HOATZ: variants seen among roughly 807,000 people sequenced by gnomAD.
HOATZ encodes the protein cilia- and flagella-associated protein HOATZ.
HOATZ carries 26 observed loss-of-function variants against 24.9 expected under a neutral mutation model. That is an observed-to-expected ratio of 1.04 (90% CI 0.76 to 1.45). The LOEUF (loss-of-function observed/expected upper bound fraction) is 1.45, where lower values mean the gene tolerates loss of function less well. Among genes scored for constraint, HOATZ ranks in the 40% most tolerant of loss-of-function variants. The probability of loss-of-function intolerance (pLI) is 0.00; values close to 1 mark genes in which losing one functional copy is unlikely to be tolerated. For missense variants in HOATZ, 226 were observed against 201.5 expected (o/e 1.12, Z -0.74); for synonymous variants, 83 against 76.6 (o/e 1.08, Z -0.43).
At chr11:111,534,369 A>G (rs1468313628) in intron 4 of HOATZ, 43 bp from the exon 5 acceptor site, 1 of 1,418,314 alleles carries the variant, frequency 7.1e-7, no homozygotes, top group Non-Finnish European at 1.0e-6. Flanking sequence ...CAGTGCAAGA[A>G]GTAAAATTTT....
At chr11:111,530,571 A>T (rs1255499529) in intron 3 of HOATZ, among the ~76,000 whole-genome samples, 1 of 152,180 alleles carries the variant, frequency 6.6e-6, no homozygotes, top group Non-Finnish European at 1.5e-5. Flanking sequence ...AATCATAAAT[A>T]AAAATATAAA....
rs140853148 is a variant in HOATZ, at chr11:111,527,525, G to C, written c.340-6221G>C. Among the ~76,000 whole-genome samples, 6 of 152,206 alleles carry C rather than the reference G, an allele frequency of 3.9e-5. No homozygotes were observed. The East Asian group carries it at 9.6e-4, about 24-fold the overall frequency. The stretch of plus-strand genomic sequence containing the variant: ...TGATTAATAATCCTGTAACATCTTC[G>C]ATCCACTCCCATAGATTACTATAGT... On this transcript the variant is annotated intron_variant, in intron 3 of 5. Transcript: ENST00000375618.
chr11:111,524,934 T>C (rs1304662019), intron 3 of HOATZ: 11 of 438,258 alleles, frequency 2.5e-5, no homozygotes, highest in Middle Eastern at 3.4e-4. Flanking sequence ...TGATCATGGC[T>C]CACTGCAGCC....
At position 111,514,796 on chromosome 11, in the gene HOATZ, A is replaced by G. The variant is rs1867154034; in HGVS notation, c.12A>G (p.Gly4=). Residue 4 remains glycine, a synonymous_variant, in exon 1 of 6, where the codon GGA becomes GGG. Transcript: ENST00000375618. ...CGTCCTCAGTTGCCATGGAAACGGG[A>G]CCCAGCGAAGAACCTAGCGGCCGAA... MET[G]PSEEPSGRKE... is the part of the protein sequence containing the mutation. 6 of 1,613,580 alleles carry G rather than the reference A, an allele frequency of 3.7e-6. No homozygotes were observed. Among genetic ancestry groups the G allele is most frequent in the Non-Finnish European group, 4.2e-6 (5 of 1,179,816 alleles).
chr11:111,535,970 T>C (rs1200394947), intron 5 of HOATZ: 1 of 152,230 alleles, frequency 6.6e-6, no homozygotes, highest in Non-Finnish European at 1.5e-5. Flanking sequence ...TTACTCTTTG[T>C]ACATTCTTTG....
At chr11:111,534,554 T>A in intron 5 of HOATZ, 90 bp downstream of exon 5, 1 of 1,039,396 alleles carries the variant, frequency 9.6e-7, no homozygotes, top group Non-Finnish European at 1.5e-6. Context: ...CACTTACCCT[T>A]AAATCTTCTA....
chr11:111,524,949 C>T, intron 3 of HOATZ: 2 of 432,702 alleles, frequency 4.6e-6, no homozygotes, highest in South Asian at 1.7e-5. Flanking sequence ...GCAGCCTCAA[C>T]TTTCTCGGAT....
chr11:111,516,843 T>C (rs544906501), intron 3 of HOATZ, among the ~76,000 whole-genome samples: 9 of 152,336 alleles, frequency 5.9e-5, no homozygotes, highest in African/African-American at 1.9e-4. Context: ...ATTAAACACA[T>C]TGGTGTAGTC....
chr11:111,533,976 T>A (rs952443180), intron 4 of HOATZ, among the ~76,000 whole-genome samples, 171 bp downstream of exon 4: 7 of 152,206 alleles, frequency 4.6e-5, no homozygotes, highest in African/African-American at 1.7e-4. Context: ...CAACCCTTGA[T>A]CAATCAAAGC....
chr11:111,536,305 C>T (rs1002972831), intron 5 of HOATZ: 2 of 154,590 alleles, frequency 1.3e-5, no homozygotes, highest in African/African-American at 4.8e-5. Flanking sequence ...CCCCTACATA[C>T]ACAGACTCCC....
chr11:111,527,948 G>A (rs1867356816), intron 3 of HOATZ, among the ~76,000 whole-genome samples: 1 of 152,206 alleles, frequency 6.6e-6, no homozygotes, highest in Admixed American at 6.5e-5. Flanking sequence ...CCACTGAGGA[G>A]TGAGATTCTT....
chr11:111,533,885 G>A, intron 4 of HOATZ, 80 bp downstream of exon 4: 1 of 1,004,024 alleles, frequency 1.0e-6, no homozygotes, highest in South Asian at 1.8e-5. Flanking sequence ...TTTATAGATT[G>A]AACCCTTAAA....
At chr11:111,533,711 A>T (rs1485491063) in intron 3 of HOATZ, 35 bp from the exon 4 acceptor site, 18 of 1,491,292 alleles carry the variant, frequency 1.2e-5, no homozygotes, top group Non-Finnish European at 1.6e-5. Flanking sequence ...TTTATTATTG[A>T]ATCGAGACAC....
At chr11:111,521,635 T>C (rs921868288) in intron 3 of HOATZ, among the ~76,000 whole-genome samples, 1 of 152,218 alleles carries the variant, frequency 6.6e-6, no homozygotes, top group African/African-American at 2.4e-5. Context: ...AGTTGTTTAG[T>C]CATTTAAATT....
chr11:111,533,873 G>T, intron 4 of HOATZ, 68 bp downstream of exon 4: 1 of 1,181,774 alleles, frequency 8.5e-7, no homozygotes, highest in Non-Finnish European at 1.2e-6. Flanking sequence ...TTTTGCAGAG[G>T]TTTTATAGAT....
In HOATZ at chr11:111,536,886, C is replaced by G. The variant is rs925887093; in HGVS notation, c.*59C>G. ...ATACCTTCACTTTGGAAACAACCTTCTCTTAGATCAGGATCATTGAGATCA... is the reference window on the plus strand; with the variant it reads ...ATACCTTCACTTTGGAAACAACCTTGTCTTAGATCAGGATCATTGAGATCA... On this transcript the variant is annotated 3_prime_UTR_variant, in exon 6 of 6. Transcript: ENST00000375618. 3.0e-6 allele frequency: 4 copies of G among 1,319,422 alleles called. No individual in the cohort carries two copies. The highest frequency in any genetic ancestry group is 4.4e-6 in the Non-Finnish European group (4 of 912,612). 81.7% of individuals were successfully genotyped at this position (1,319,422 alleles called of 1,614,324 possible).
intron 3 of HOATZ, among the ~76,000 whole-genome samples, chr11:111,518,396 G>T (rs889135591): frequency 6.6e-6 from 1 of 152,150 alleles, no homozygotes; most frequent in African/African-American, 2.4e-5. Flanking sequence ...GATATAGTGA[G>T]ATAACATAAT....
chr11:111,530,548 T>A (rs532405021), intron 3 of HOATZ, among the ~76,000 whole-genome samples: 36 of 152,276 alleles, frequency 2.4e-4, no homozygotes, highest in African/African-American at 8.2e-4. Context: ...TTTTCAGGAA[T>A]AGTATAAATA....
intron 3 of HOATZ, among the ~76,000 whole-genome samples, chr11:111,530,832 T>C (rs1409803364): frequency 6.6e-6 from 1 of 152,194 alleles, no homozygotes; most frequent in African/African-American, 2.4e-5. Context: ...GGCAGAGATT[T>C]CCTAGAATAT....
Sources: allele counts gnomAD v4.1 joint callset (sites outside exome capture counted in the v4.1 genomes callset), GRCh38; gene constraint gnomAD v4.1.1; transcripts MANE v1.5; gene names NCBI Gene and HGNC (gene_info 2026-07-23, HGNC 2026-07-21).